MAPRE2: variants seen among roughly 807,000 people sequenced by gnomAD.
MAPRE2 encodes the protein microtubule-associated protein RP/EB family member 2.
MAPRE2 carries 13 observed loss-of-function variants against 43.2 expected under a neutral mutation model. The ratio of observed to expected loss-of-function variants is 0.30; its 90% CI spans 0.20 to 0.48. The LOEUF is 0.48. Among genes scored for constraint, MAPRE2 ranks in the 20% least tolerant of loss-of-function variants. MAPRE2 has a pLI of 0.99. For synonymous variants in MAPRE2, 135 were observed against 148.8 expected (o/e 0.91, Z 0.68); for missense variants, 161 against 400.2 (o/e 0.40, Z 5.10).
At chr18:35,121,978 G>A (rs1909697037) in intron 4 of MAPRE2, among the ~76,000 whole-genome samples, 1 of 152,176 alleles carries the variant, frequency 6.6e-6, no homozygotes, top group South Asian at 2.1e-4. Flanking sequence ...CCAGGTAAGG[G>A]GGAAAGAGTA....
At chr18:35,129,353 C>T (rs563335565) in intron 5 of MAPRE2, among the ~76,000 whole-genome samples, 10 of 152,172 alleles carry the variant, frequency 6.6e-5, no homozygotes, top group South Asian at 2.1e-4. Context: ...AACACTCGGG[C>T]GAGGAGAGGC....
chr18:35,048,787 T>C (rs954074354), intron 1 of MAPRE2, among the ~76,000 whole-genome samples: 9 of 150,498 alleles, frequency 6.0e-5, no homozygotes, highest in Admixed American at 4.0e-4. Context: ...GTTAATACTA[T>C]ATATAACACA....
intron 1 of MAPRE2, among the ~76,000 whole-genome samples, chr18:35,046,139 T>C (rs1484007541): frequency 1.3e-5 from 2 of 152,214 alleles, no homozygotes; most frequent in African/African-American, 4.8e-5. Flanking sequence ...TCTAGATTAA[T>C]TGGAAGGGGA....
intron 4 of MAPRE2, among the ~76,000 whole-genome samples, chr18:35,118,106 G>A (rs909664020): frequency 2.0e-5 from 3 of 152,140 alleles, no homozygotes; most frequent in Non-Finnish European, 4.4e-5. Context: ...CACTGGACAT[G>A]CTCAGGAGAG....
intron 1 of MAPRE2, chr18:34,978,618 G>C (rs1303796372): frequency 7.8e-7 from 1 of 1,287,052 alleles, no homozygotes. Flanking sequence ...AAGCAAAAAG[G>C]GGTATGGCTC....
upstream of MAPRE2, among the ~76,000 whole-genome samples, chr18:35,040,123 A>C (rs546021577): frequency 6.6e-6 from 1 of 152,300 alleles, no homozygotes; most frequent in Admixed American, 6.5e-5. Flanking sequence ...GAATTACTAG[A>C]ACCCAGGAGG....
At chr18:34,987,079 T>A (rs1455052712) in intron 1 of MAPRE2, among the ~76,000 whole-genome samples, 1 of 152,178 alleles carries the variant, frequency 6.6e-6, no homozygotes, top group African/African-American at 2.4e-5. Flanking sequence ...TTTACTAGAT[T>A]GAGAGGAAAT....
chr18:34,980,011 CT>C (rs1162551124), intron 1 of MAPRE2, among the ~76,000 whole-genome samples: 118 of 131,714 alleles, frequency 9.0e-4, no homozygotes, highest in Non-Finnish European at 1.1e-3. Flanking sequence ...CTTTTCTTTT[CT>C]TTTTCTTTTT....
At chr18:34,993,555 G>A (rs2097024890) in intron 1 of MAPRE2, among the ~76,000 whole-genome samples, 2 of 152,198 alleles carry the variant, frequency 1.3e-5, no homozygotes, top group African/African-American at 4.8e-5. Context: ...GTTGAGTCAT[G>A]CTTGTGAGTA....
At chr18:34,978,674 T>C in intron 1 of MAPRE2, 1 of 816,474 alleles carries the variant, frequency 1.2e-6, no homozygotes, top group Non-Finnish European at 2.0e-6. Flanking sequence ...TTCCTTACTT[T>C]GCTTTCGTTC....
chr18:35,011,335 T>C (rs1014157263), intron 2 of MAPRE2, among the ~76,000 whole-genome samples: 1 of 151,930 alleles, frequency 6.6e-6, no homozygotes, highest in Non-Finnish European at 1.5e-5. Context: ...GAAAGGGAAA[T>C]TGTTTGGGCA....
chr18:35,056,781 G>T lies in MAPRE2; in HGVS notation c.123-13414G>T, dbSNP rs180939113. Among the ~76,000 whole-genome samples the T allele has an allele frequency of 1.6e-3, 247 of 152,204 alleles. 2 individuals are homozygous for T. Among genetic ancestry groups the T allele is most frequent in the Middle Eastern group, 6.8e-3 (2 of 294 alleles). On this transcript the variant is annotated intron_variant, in intron 1 of 6. Transcript: ENST00000300249. Reference sequence around the variant, plus strand: ...CTTATTAACTAATTGTTACTGTTCTGTCTTTATCCCAAGTTTAACAAAACA... The same window carrying T: ...CTTATTAACTAATTGTTACTGTTCTTTCTTTATCCCAAGTTTAACAAAACA...
chr18:35,082,363 T>C (rs890386086), intron 2 of MAPRE2: 1 of 152,166 alleles, frequency 6.6e-6, no homozygotes, highest in African/African-American at 2.4e-5. Flanking sequence ...CTAAAGACGT[T>C]TGTGCCCAGA....
intron 2 of MAPRE2, among the ~76,000 whole-genome samples, chr18:35,074,486 G>T (rs923097764): frequency 6.6e-6 from 1 of 152,074 alleles, no homozygotes; most frequent in Non-Finnish European, 1.5e-5. Flanking sequence ...GGAGGAGTAG[G>T]GTGGAGTGGG....
Position 35,140,546 on chromosome 18 carries a change from G to A in MAPRE2, c.*177G>A. ...TGGTTCCCATTTTCTTTGCCAAGGT[G>A]TATTAGCGGACGGCCCTCTGGCCAC... On this transcript the variant is annotated 3_prime_UTR_variant, in exon 7 of 7. Transcript: ENST00000300249. 1.6e-6 allele frequency: 1 copy of A among 643,494 alleles called. No homozygotes were observed. Among genetic ancestry groups the A allele is most frequent in the Non-Finnish European group, 2.6e-6 (1 of 378,202 alleles). The allele number at this position is 643,494 out of a possible 1,614,324, so 39.9% of individuals were successfully genotyped here. A position where few individuals can be genotyped will look rare whatever the true frequency, so the allele number is the denominator to read the frequency against.
intron 2 of MAPRE2, among the ~76,000 whole-genome samples, chr18:35,021,175 A>G (rs1043441461): frequency 6.6e-6 from 1 of 152,204 alleles, no homozygotes; most frequent in African/African-American, 2.4e-5. Flanking sequence ...AACTGTGCAG[A>G]GTCCCAAATA....
chr18:35,085,954 T>C (rs1464301629), intron 2 of MAPRE2, among the ~76,000 whole-genome samples: 2 of 152,218 alleles, frequency 1.3e-5, no homozygotes, highest in African/African-American at 4.8e-5. Context: ...ACAAATCATT[T>C]ACCTGTAATG....
chr18:34,980,031 CT>C (rs796434537), intron 1 of MAPRE2, among the ~76,000 whole-genome samples: 772 of 46,104 alleles, frequency 0.017, 2 homozygotes, highest in African/African-American at 0.032. Context: ...TTCTTTTTTT[CT>C]TTTTTTTTTT....
chr18:35,030,728 A>G (rs1027952006), intron 2 of MAPRE2, among the ~76,000 whole-genome samples: 14 of 151,830 alleles, frequency 9.2e-5, no homozygotes, highest in African/African-American at 2.7e-4. Context: ...TTTTAAGCCA[A>G]GTTCTTTACA....
Sources: allele counts gnomAD v4.1 joint callset (sites outside exome capture counted in the v4.1 genomes callset), GRCh38; gene constraint gnomAD v4.1.1; transcripts MANE v1.5; gene names NCBI Gene and HGNC (gene_info 2026-07-23, HGNC 2026-07-21).